The following SETBP1 variants were observed in gnomAD, a reference collection of about 807,000 sequenced individuals.
The protein encoded by SETBP1 is SET-binding protein.
In SETBP1, 9 loss-of-function variants were observed where a neutral mutation model predicts 101.0. The ratio of observed to expected loss-of-function variants is 0.09; its 90% CI spans 0.05 to 0.16. The LOEUF (loss-of-function observed/expected upper bound fraction) is 0.16, where lower values mean the gene tolerates loss of function less well. Among genes scored for constraint, SETBP1 ranks in the 10% least tolerant of loss-of-function variants. The pLI, the probability that SETBP1 is intolerant of heterozygous loss-of-function variation, is 1.00. For missense variants in SETBP1, 1,858 were observed against 2,033.8 expected, an observed-to-expected ratio of 0.91 and a Z score of 1.66; for synonymous variants, 818 against 788.5, an observed-to-expected ratio of 1.04 and a Z score of -0.63.
At chr18:44,957,770 A>G (rs1325243205) in intron 4 of SETBP1, among the ~76,000 whole-genome samples, 1 of 152,234 alleles carries the variant, frequency 6.6e-6, no homozygotes. Flanking sequence ...ATGAAATGTC[A>G]TGAAAACTAT....
intron 2 of SETBP1, among the ~76,000 whole-genome samples, chr18:44,805,499 T>C (rs2071711391): frequency 1.3e-5 from 2 of 152,058 alleles, no homozygotes; most frequent in Non-Finnish European, 2.9e-5. Flanking sequence ...TTCAATTCTA[T>C]GCTCAAATCT....
chr18:44,873,402 T>G (rs1386420609), intron 3 of SETBP1, among the ~76,000 whole-genome samples: 1 of 152,222 alleles, frequency 6.6e-6, no homozygotes, highest in Non-Finnish European at 1.5e-5. Flanking sequence ...ATTGTATGCC[T>G]GAAATGCACA....
intron 4 of SETBP1, among the ~76,000 whole-genome samples, chr18:44,984,020 G>GTGAA (rs71264832): frequency 0.099 from 15,120 of 152,058 alleles, 999 homozygotes; most frequent in East Asian, 0.28. Flanking sequence ...GGCTAACATG[G>GTGAA]TGAAACCCCG....
chr18:44,810,635 T>C (rs149501827), intron 2 of SETBP1, among the ~76,000 whole-genome samples: 1 of 152,318 alleles, frequency 6.6e-6, no homozygotes, highest in Non-Finnish European at 1.5e-5. Context: ...GTAATATCTT[T>C]TGTTCCTTAT....
intron 5 of SETBP1, among the ~76,000 whole-genome samples, chr18:45,062,536 C>A (rs1273792515): frequency 6.6e-6 from 1 of 152,166 alleles, no homozygotes; most frequent in Non-Finnish European, 1.5e-5. Flanking sequence ...TATTCTTATC[C>A]TTGATCAGGC....
intron 1 of SETBP1, among the ~76,000 whole-genome samples, chr18:44,688,804 T>C (rs1457306438): frequency 2.0e-5 from 3 of 152,196 alleles, no homozygotes; most frequent in African/African-American, 7.2e-5. Context: ...CTAAAAGGGA[T>C]GATTTGATGT....
chr18:44,727,220 T>TGTGTGTGTGTGTG (rs1335733269), intron 2 of SETBP1, among the ~76,000 whole-genome samples: 2 of 63,968 alleles, frequency 3.1e-5, no homozygotes, highest in East Asian at 3.2e-4. Flanking sequence ...GTGTGTGTGT[T>TGTGTGTGTGTGTG]GATACCCAAA....
intron 2 of SETBP1, among the ~76,000 whole-genome samples, chr18:44,731,907 T>A (rs565263708): frequency 6.6e-6 from 1 of 152,368 alleles, no homozygotes; most frequent in African/African-American, 2.4e-5. Flanking sequence ...AGCATCATAG[T>A]AATTCTGATT....
chr18:44,908,744 A>G (rs2070236006), intron 3 of SETBP1, among the ~76,000 whole-genome samples: 1 of 152,188 alleles, frequency 6.6e-6, no homozygotes, highest in Non-Finnish European at 1.5e-5. Context: ...TAGATTTGTT[A>G]ATGCTCTCCT....
At chr18:44,747,903 G>C (rs2070294383) in intron 2 of SETBP1, among the ~76,000 whole-genome samples, 1 of 152,200 alleles carries the variant, frequency 6.6e-6, no homozygotes, top group Non-Finnish European at 1.5e-5. Context: ...GCTATCCCTA[G>C]ACTGCACTCC....
chr18:44,839,601 C>A (rs144295774), intron 2 of SETBP1, among the ~76,000 whole-genome samples: 2 of 152,162 alleles, frequency 1.3e-5, no homozygotes, highest in African/African-American at 4.8e-5. Flanking sequence ...GGAAATAACA[C>A]CAAGGTTGAG....
intron 2 of SETBP1, among the ~76,000 whole-genome samples, chr18:44,766,234 C>T (rs886581796): frequency 3.9e-5 from 6 of 152,154 alleles, no homozygotes; most frequent in Admixed American, 1.3e-4. Context: ...ATACATGGTC[C>T]GGCAGTGGAC....
chr18:44,800,300 T>C (rs2144771091), intron 2 of SETBP1, among the ~76,000 whole-genome samples: 1 of 152,296 alleles, frequency 6.6e-6, no homozygotes, highest in East Asian at 1.9e-4. Context: ...GGGTAAGTGA[T>C]GCTTCTGCTT....
At chr18:44,685,626 A>C (rs993026485) in intron 1 of SETBP1, among the ~76,000 whole-genome samples, 3 of 152,196 alleles carry the variant, frequency 2.0e-5, no homozygotes, top group African/African-American at 7.2e-5. Flanking sequence ...ATAAAGATAA[A>C]GATGCTTACC....
intron 3 of SETBP1, among the ~76,000 whole-genome samples, chr18:44,928,397 C>T (rs2070751524): frequency 6.6e-6 from 1 of 152,178 alleles, no homozygotes; most frequent in African/African-American, 2.4e-5. Context: ...CATACATGTG[C>T]ATGTGTCTAT....
intron 3 of SETBP1, among the ~76,000 whole-genome samples, chr18:44,886,246 T>C (rs977217718): frequency 6.6e-6 from 1 of 152,162 alleles, no homozygotes; most frequent in Non-Finnish European, 1.5e-5. Context: ...GAATGATGCC[T>C]CAGAAGCCTT....
At chr18:44,781,132 G>A (rs2071121514) in intron 2 of SETBP1, among the ~76,000 whole-genome samples, 1 of 152,136 alleles carries the variant, frequency 6.6e-6, no homozygotes, top group East Asian at 1.9e-4. Context: ...TGCATGTTAG[G>A]TAGGGGTCTT....
chr18:44,845,270 C>T (rs201433580), intron 2 of SETBP1, among the ~76,000 whole-genome samples: 1 of 152,244 alleles, frequency 6.6e-6, no homozygotes, highest in South Asian at 2.1e-4. Flanking sequence ...CATGGTTCTT[C>T]CACAGTAACA....
At chr18:44,819,344 G>T (rs2072053554) in intron 2 of SETBP1, among the ~76,000 whole-genome samples, 1 of 152,170 alleles carries the variant, frequency 6.6e-6, no homozygotes, top group Admixed American at 6.5e-5. Flanking sequence ...AGCTGAGAGA[G>T]TGTGGGTATA....
Sources: gnomAD v4.1 joint callset for allele counts (sites outside exome capture counted in the v4.1 genomes callset) on GRCh38, gnomAD v4.1.1 for gene constraint, MANE v1.5 for transcripts, NCBI Gene and HGNC (gene_info 2026-07-23, HGNC 2026-07-21) for gene names.